Variants in CTNNA3 observed in about 807,000 individuals in gnomAD.
CTNNA3 encodes the protein catenin alpha-3.
In CTNNA3, 76 loss-of-function variants were observed where a neutral mutation model predicts 95.7. The observed-to-expected ratio is 0.79, with a 90% CI of 0.66 to 0.96. The LOEUF (loss-of-function observed/expected upper bound fraction) is 0.96, where lower values mean the gene tolerates loss of function less well. CTNNA3 is among the 40% of genes least tolerant of loss of function. CTNNA3 has a pLI of 0.00. For synonymous variants in CTNNA3, 431 were observed against 374.4 expected, an observed-to-expected ratio of 1.15 and a Z score of -1.74; for missense variants, 1,191 against 1,089.8, an observed-to-expected ratio of 1.09 and a Z score of -1.31.
chr10:66,888,510 C>A (rs1236014289), intron 7 of CTNNA3, among the ~76,000 whole-genome samples: 3 of 151,730 alleles, frequency 2.0e-5, no homozygotes, highest in Non-Finnish European at 4.4e-5. Context: ...ATACAGGTAC[C>A]AGATCATGCA....
chr10:66,771,122 C>T (rs1840070066), intron 8 of CTNNA3, among the ~76,000 whole-genome samples: 1 of 152,076 alleles, frequency 6.6e-6, no homozygotes, highest in African/African-American at 2.4e-5. Flanking sequence ...ATGGACCTAA[C>T]AATTCAGAAA....
intron 5 of CTNNA3, among the ~76,000 whole-genome samples, chr10:67,271,350 G>A (rs1371151646): frequency 6.6e-6 from 1 of 152,092 alleles, no homozygotes; most frequent in Non-Finnish European, 1.5e-5. Context: ...AGATCTAATG[G>A]TTTTATAAGG....
intron 3 of CTNNA3, among the ~76,000 whole-genome samples, chr10:67,557,404 C>T (rs1052996703): frequency 3.3e-5 from 5 of 152,158 alleles, no homozygotes; most frequent in Non-Finnish European, 5.9e-5. Context: ...ATTTATCCAG[C>T]CTCCTTTGTT....
intron 13 of CTNNA3, among the ~76,000 whole-genome samples, chr10:66,211,377 A>G (rs1426789094): frequency 2.6e-5 from 4 of 152,182 alleles, no homozygotes; most frequent in Admixed American, 2.6e-4. Flanking sequence ...AGCATCCTTG[A>G]AGCAATTATT....
intron 15 of CTNNA3, among the ~76,000 whole-genome samples, chr10:66,017,407 G>A (rs1298887841): frequency 6.6e-6 from 1 of 152,088 alleles, no homozygotes; most frequent in Non-Finnish European, 1.5e-5. Flanking sequence ...AGTACTATTA[G>A]TAGACTTGAA....
At chr10:67,505,183 C>T (rs1176288581) in intron 5 of CTNNA3, among the ~76,000 whole-genome samples, 2 of 152,196 alleles carry the variant, frequency 1.3e-5, no homozygotes. Context: ...CAAACATGAG[C>T]ATTTAGCTTA....
chr10:67,471,469 G>A (rs552802867), intron 5 of CTNNA3, among the ~76,000 whole-genome samples: 13 of 152,292 alleles, frequency 8.5e-5, no homozygotes, highest in African/African-American at 2.9e-4. Context: ...CTAGACTATC[G>A]TCTACAGCTT....
At chr10:66,076,352 T>C (rs540661371) in intron 14 of CTNNA3, among the ~76,000 whole-genome samples, 2 of 151,784 alleles carry the variant, frequency 1.3e-5, no homozygotes, top group Admixed American at 6.6e-5. Context: ...CAAATTTATT[T>C]AAGCAAGATT....
At chr10:67,568,524 T>C (rs1009982917) in intron 3 of CTNNA3, among the ~76,000 whole-genome samples, 8 of 151,816 alleles carry the variant, frequency 5.3e-5, no homozygotes, top group Middle Eastern at 3.4e-3. Flanking sequence ...CACACACACA[T>C]ATATATATGC....
intron 10 of CTNNA3, among the ~76,000 whole-genome samples, chr10:66,586,905 A>G (rs561745457): frequency 1.3e-5 from 2 of 152,188 alleles, no homozygotes; most frequent in Admixed American, 1.3e-4. Context: ...TTTCCCCAAA[A>G]AATAGTAGTC....
intron 9 of CTNNA3, among the ~76,000 whole-genome samples, chr10:66,740,379 G>A (rs1363699030): frequency 6.6e-6 from 1 of 152,102 alleles, no homozygotes; most frequent in South Asian, 2.1e-4. Flanking sequence ...TGCTCCCTAG[G>A]TTTAGAAGAT....
At position 66,008,823 on chromosome 10, in the gene CTNNA3, C is replaced by T. The variant is rs148384621; in HGVS notation, c.2160-20026G>A. 8.5e-5 allele frequency among the ~76,000 whole-genome samples: 13 copies of T among 152,078 alleles called. 1 individual carries two copies. The East Asian group carries it at 1.2e-3, about 14-fold the overall frequency. On this transcript the variant is annotated intron_variant, in intron 15 of 17. Coordinates refer to ENST00000433211, the MANE Select transcript of CTNNA3 (RefSeq NM_013266.4). ...GAGGATGCAAATCTGTACTTCAGGC[C>T]GGGTGCGGTGGCTCACACCTGTAAT...
chr10:67,709,815 A>G lies in CTNNA3; in HGVS notation c.-2+53619T>C, dbSNP rs1014419764. Among the ~76,000 whole-genome samples, 9 of 152,130 alleles carry G rather than the reference A, an allele frequency of 5.9e-5. No homozygotes were observed. The South Asian group carries it at 6.2e-4, about 11-fold the overall frequency. ...ACTGGCTATAAATTCCCACTTGCCC[A>G]TGCTGTATTGAGAGTTGAGCACAAT... On this transcript the variant is annotated intron_variant, in intron 1 of 17. Transcript: ENST00000684154.
At chr10:66,179,496 G>T (rs1204702647) in intron 13 of CTNNA3, among the ~76,000 whole-genome samples, 1 of 151,896 alleles carries the variant, frequency 6.6e-6, no homozygotes, top group Non-Finnish European at 1.5e-5. Flanking sequence ...CTGTACTATC[G>T]CTTTGCAAGG....
intron 11 of CTNNA3, among the ~76,000 whole-genome samples, chr10:66,420,838 T>A (rs1287243654): frequency 1.1e-4 from 9 of 83,006 alleles, no homozygotes; most frequent in East Asian, 3.4e-4. Context: ...AATAAATAAA[T>A]AAAAAACAAT....
intron 9 of CTNNA3, among the ~76,000 whole-genome samples, chr10:66,649,108 GA>G (rs1313385914): frequency 6.6e-6 from 1 of 152,254 alleles, no homozygotes; most frequent in South Asian, 2.1e-4. Flanking sequence ...GGTGCCAGAA[GA>G]AAAGAGTGTT....
At chr10:67,705,328 C>G (rs1431439298) in intron 1 of CTNNA3, among the ~76,000 whole-genome samples, 1 of 151,640 alleles carries the variant, frequency 6.6e-6, no homozygotes, top group Non-Finnish European at 1.5e-5. Context: ...CACATGCACA[C>G]GTATGTTTAT....
intron 7 of CTNNA3, among the ~76,000 whole-genome samples, chr10:66,829,093 AGGATATCCTTG>A (rs1490001531): frequency 1.3e-5 from 2 of 152,224 alleles, no homozygotes; most frequent in Non-Finnish European, 2.9e-5. Context: ...CAATAAAGGA[AGGATATCCTTG>A]GGCCACTCCA....
intron 3 of CTNNA3, among the ~76,000 whole-genome samples, chr10:67,569,170 T>C (rs970820414): frequency 6.6e-6 from 1 of 152,290 alleles, no homozygotes; most frequent in Non-Finnish European, 1.5e-5. Flanking sequence ...TTCAACATGG[T>C]ATTCCATAAT....
Sources: gnomAD v4.1 joint callset for allele counts (sites outside exome capture counted in the v4.1 genomes callset) on GRCh38, gnomAD v4.1.1 for gene constraint, MANE v1.5 for transcripts, NCBI Gene and HGNC (gene_info 2026-07-23, HGNC 2026-07-21) for gene names.